HARS1: variants seen among roughly 807,000 people sequenced by gnomAD.
HARS1 encodes the protein histidine--tRNA ligase, cytoplasmic.
In HARS1, 45 loss-of-function variants were observed where a neutral mutation model predicts 63.6. The ratio of observed to expected loss-of-function variants is 0.71; its 90% CI spans 0.56 to 0.91. The LOEUF (loss-of-function observed/expected upper bound fraction) is 0.91, where lower values mean the gene tolerates loss of function less well. Among genes scored for constraint, HARS1 ranks in the 40% least tolerant of loss-of-function variants. The probability of loss-of-function intolerance (pLI) is 0.00; values close to 1 mark genes in which losing one functional copy is unlikely to be tolerated. For synonymous variants in HARS1, 205 were observed against 247.1 expected (o/e 0.83, Z 1.60); for missense variants, 508 against 643.2 (o/e 0.79, Z 2.27).
intron 3 of HARS1, among the ~76,000 whole-genome samples, chr5:140,682,598 G>GTA (rs1758789435): frequency 6.6e-6 from 1 of 152,216 alleles, no homozygotes; most frequent in African/African-American, 2.4e-5. Context: ...CCAGACTGGA[G>GTA]TATGGTGGCT....
chr5:140,684,752 G>C, intron 2 of HARS1: 1 of 152,114 alleles, frequency 6.6e-6, no homozygotes, highest in Non-Finnish European at 1.5e-5. Context: ...TACTGTATTA[G>C]AATTAGAACG....
intron 3 of HARS1, among the ~76,000 whole-genome samples, chr5:140,681,671 TA>T (rs1000384612): frequency 2.7e-5 from 4 of 147,398 alleles, no homozygotes; most frequent in Non-Finnish European, 6.0e-5. Context: ...CTGTCTCAAT[TA>T]AAAAAAAAAC....
In HARS1 at chr5:140,674,108, C is replaced by A; in HGVS notation, c.*149G>T. 11 of 692,788 alleles carry A rather than the reference C, an allele frequency of 1.6e-5. No homozygotes were observed. The highest frequency in any genetic ancestry group is 2.8e-5 in the East Asian group (1 of 35,502). 42.9% of individuals were successfully genotyped at this position (692,788 alleles called of 1,614,324 possible). A position where few individuals can be genotyped will look rare whatever the true frequency, so the allele number is the denominator to read the frequency against. ...TTGCCAGTAATAATCAATAAAATAA[C>A]CATAATAAAAATCAAAGGCTCTGTT... On this transcript the variant is annotated 3_prime_UTR_variant, in exon 13 of 13. Coordinates refer to ENST00000504156, the MANE Select transcript of HARS1 (RefSeq NM_002109.6).
chr5:140,684,171 T>C, intron 2 of HARS1: 3 of 166,078 alleles, frequency 1.8e-5, no homozygotes, highest in Non-Finnish European at 3.7e-5. Context: ...GTGCCTGTAG[T>C]CCCAGCTACT....
chr5:140,675,290 A>G, intron 10 of HARS1, 157 bp from the exon 11 acceptor site: 1 of 622,472 alleles, frequency 1.6e-6, no homozygotes, highest in Non-Finnish European at 2.9e-6. Flanking sequence ...GGTAGCTTTT[A>G]GTAGATATGA....
intron 3 of HARS1, among the ~76,000 whole-genome samples, chr5:140,682,244 G>T (rs867347116): frequency 1.3e-5 from 2 of 151,974 alleles, no homozygotes; most frequent in African/African-American, 4.8e-5. Flanking sequence ...TTTTAAAAAG[G>T]AATTAAAATC....
Position 140,676,549 on chromosome 5 carries a change from G to A in HARS1, c.1194+105C>T. On this transcript the variant is annotated intron_variant, in intron 10 of 12. Coordinates refer to ENST00000504156, the MANE Select transcript of HARS1 (RefSeq NM_002109.6). This position sits in a 1 kb window ranked among gnomAD's most constrained non-coding sequence, Gnocchi z 4.1. Reference sequence around the variant, plus strand: ...GCAATAATCTTTTCTCCATTTCTGTGAGATGCTCCCTGCCCAAAGCAGCAC... The same window carrying A: ...GCAATAATCTTTTCTCCATTTCTGTAAGATGCTCCCTGCCCAAAGCAGCAC... 2.5e-6 allele frequency: 3 copies of A among 1,181,644 alleles called. No homozygotes were observed. Among genetic ancestry groups the A allele is most frequent in the Non-Finnish European group, 3.6e-6 (3 of 823,686 alleles). 73.2% of individuals were successfully genotyped at this position (1,181,644 alleles called of 1,614,324 possible).
intron 2 of HARS1, chr5:140,684,306 AAAAC>A (rs60987104): frequency 0.21 from 205,954 of 965,998 alleles, 23,004 homozygotes; most frequent in East Asian, 0.3. Context: ...AACAAAAACA[AAAAC>A]AAACCCAACC....
chr5:140,680,022 GTTATCA>G, intron 3 of HARS1, 139 bp from the exon 4 acceptor site: 1 of 457,794 alleles, frequency 2.2e-6, no homozygotes, highest in Non-Finnish European at 3.9e-6. Context: ...GTCTGATGTA[GTTATCA>G]TTAAAAGGAA....
chr5:140,674,072 C>A lies in HARS1; in HGVS notation c.*185G>T. The A allele has an allele frequency of 1.5e-6, 1 of 668,412 alleles. No individual in the cohort carries two copies. The highest frequency in any genetic ancestry group is 1.7e-5 in the South Asian group (1 of 58,858). The allele number at this position is 668,412 out of a possible 1,614,324, so 41.4% of individuals were successfully genotyped here. On this transcript the variant is annotated 3_prime_UTR_variant, in exon 13 of 13. Coordinates refer to ENST00000504156, the MANE Select transcript of HARS1 (RefSeq NM_002109.6). ...GGCCTTGTATGAAAAAGGTGTTGTA[C>A]CTGGCCGTTTTTGCCAGTAATAATC...
intron 2 of HARS1, among the ~76,000 whole-genome samples, chr5:140,685,761 C>T (rs183982931): frequency 4.6e-5 from 7 of 151,148 alleles, no homozygotes; most frequent in Admixed American, 6.6e-5. Flanking sequence ...TTTTATGTTA[C>T]GTATATTTTC....
intron 3 of HARS1, among the ~76,000 whole-genome samples, chr5:140,680,831 A>C (rs1256951703): frequency 6.7e-6 from 1 of 150,330 alleles, no homozygotes; most frequent in Non-Finnish European, 1.5e-5. Context: ...CGAGAGTGAA[A>C]CTCTGTCTCA....
chr5:140,688,386 A>G (rs543389976), intron 2 of HARS1, among the ~76,000 whole-genome samples: 2 of 152,270 alleles, frequency 1.3e-5, no homozygotes, highest in South Asian at 2.1e-4. Context: ...TTAAGCCCTG[A>G]CATGTTTTTC....
At chr5:140,680,190 A>G (rs996412535) in intron 3 of HARS1, among the ~76,000 whole-genome samples, 7 of 150,386 alleles carry the variant, frequency 4.7e-5, no homozygotes, top group Non-Finnish European at 7.4e-5. Flanking sequence ...CTCTGTCACC[A>G]GGCTGGAGTG....
intron 6 of HARS1, 61 bp downstream of exon 6, chr5:140,677,847 A>C: frequency 1.4e-6 from 2 of 1,398,930 alleles, no homozygotes; most frequent in Non-Finnish European, 2.0e-6. Context: ...CCTCTGCACA[A>C]GGATCTTCTC....
chr5:140,677,772 T>C lies in HARS1; in HGVS notation c.631-19A>G, dbSNP rs779220042. On this transcript the variant is annotated intron_variant, in intron 6 of 12. Coordinates refer to ENST00000504156, the MANE Select transcript of HARS1 (RefSeq NM_002109.6). ...CGTTTACCTGCAAGGAACCAATGCA[T>C]AGTGAGGGGGGAATCTCTTTTCTTA... is the stretch of plus-strand genomic sequence containing the variant. 94 of 1,527,560 alleles carry C rather than the reference T, an allele frequency of 6.2e-5. No individual in the cohort carries two copies. The highest frequency in any genetic ancestry group is 7.7e-5 in the Non-Finnish European group (85 of 1,102,494). The allele number at this position is 1,527,560 out of a possible 1,614,324, so 94.6% of individuals were successfully genotyped here.
intron 2 of HARS1, chr5:140,683,444 G>A: frequency 9.6e-7 from 1 of 1,042,434 alleles, no homozygotes; most frequent in Non-Finnish European, 1.3e-6. Context: ...TTAAGTTTGG[G>A]TCTATTTTCT....
chr5:140,687,623 A>G (rs549128575), intron 2 of HARS1: 1 of 152,242 alleles, frequency 6.6e-6, no homozygotes, highest in East Asian at 1.9e-4. Context: ...TTTTAAATTA[A>G]TTAATTAATT....
intron 10 of HARS1, chr5:140,675,970 T>G (rs1758339701): frequency 6.6e-6 from 1 of 152,088 alleles, no homozygotes; most frequent in African/African-American, 2.4e-5. Flanking sequence ...GAAGATGAAA[T>G]GCAACCAGCC....
Sources: allele counts gnomAD v4.1 joint callset (sites outside exome capture counted in the v4.1 genomes callset), GRCh38; gene constraint gnomAD v4.1.1; non-coding constraint Gnocchi (gnomAD v3.1); transcripts MANE v1.5; gene names NCBI Gene and HGNC (gene_info 2026-07-23, HGNC 2026-07-21).